BCL2L11: variants seen among roughly 807,000 people sequenced by gnomAD.
BCL2L11 encodes the protein bcl-2-like protein 11.
In BCL2L11, 15 loss-of-function variants were observed where a neutral mutation model predicts 20.6. The ratio of observed to expected loss-of-function variants is 0.73; its 90% CI spans 0.49 to 1.12. The LOEUF is 1.12. Ranked by LOEUF, BCL2L11 falls within the 50% of genes most tolerant of loss-of-function variation. BCL2L11 has a pLI of 0.00. For synonymous variants in BCL2L11, 108 were observed against 92.8 expected (o/e 1.16, Z -0.94); for missense variants, 292 against 260.9 (o/e 1.12, Z -0.82).
intron 2 of BCL2L11, among the ~76,000 whole-genome samples, chr2:111,135,771 G>A (rs917613683): frequency 3.9e-5 from 6 of 152,196 alleles, no homozygotes; most frequent in Admixed American, 2.6e-4. Flanking sequence ...GTAATGTCAT[G>A]TCAACTAACT....
intron 3 of BCL2L11, among the ~76,000 whole-genome samples, chr2:111,153,538 G>A (rs2077485405): frequency 6.6e-6 from 1 of 152,196 alleles, no homozygotes; most frequent in South Asian, 2.1e-4. Flanking sequence ...AGAAATCTGG[G>A]AAGGTAATGG....
chr2:111,123,726 C>T lies in BCL2L11; in HGVS notation c.-13-7C>T, dbSNP rs766397237. 7 of 1,379,514 alleles carry T rather than the reference C, an allele frequency of 5.1e-6. No homozygotes were observed. The highest frequency in any genetic ancestry group is 6.6e-6 in the Non-Finnish European group (7 of 1,059,680). 85.5% of individuals were successfully genotyped at this position (1,379,514 alleles called of 1,614,324 possible). A position where few individuals can be genotyped will look rare whatever the true frequency, so the allele number is the denominator to read the frequency against. ...TAAAATAATCTTAGTTTTTATTTTA[C>T]TTGCAGAAAAAAAGACCAAATGGCA... On this transcript the variant is annotated splice_region_variant and splice_polypyrimidine_tract_variant and intron_variant, in intron 1 of 3. Coordinates refer to ENST00000393256, the MANE Select transcript of BCL2L11 (RefSeq NM_138621.5).
chr2:111,153,552 G>A (rs1372676980), intron 3 of BCL2L11, among the ~76,000 whole-genome samples: 1 of 152,144 alleles, frequency 6.6e-6, no homozygotes, highest in East Asian at 1.9e-4. Context: ...GTAATGGGAG[G>A]CCGTTTTGGG....
intron 1 of BCL2L11, 133 bp from the exon 2 acceptor site, chr2:111,123,600 T>A (rs907506595): frequency 9.9e-6 from 12 of 1,216,158 alleles, no homozygotes; most frequent in Non-Finnish European, 1.2e-5. Flanking sequence ...ATTTGGGAGA[T>A]TGTCAGAAAA....
rs2071864075 is a variant in BCL2L11 at position 111,123,941 on chromosome 2, C to T, written c.196C>T (p.Pro66Ser). ...PHGSPQGPLA[P>S]PASPGPFATR... The stretch of plus-strand genomic sequence containing the variant: ...CGGCAGCCCTCAGGGCCCGCTGGCC[C>T]CACCTGCCAGCCCTGGCCCTTTTGC... Residue 66 changes from proline (P) to serine (S), a missense_variant, in exon 2 of 4, where the codon CCA (proline) becomes TCA (serine). Physicochemically the swap from Pro to Ser is moderately conservative, Grantham distance 74 (BLOSUM62 -1). Coordinates refer to ENST00000393256, the MANE Select transcript of BCL2L11 (RefSeq NM_138621.5). 2 of 1,614,178 alleles carry T rather than the reference C, an allele frequency of 1.2e-6. No homozygotes were observed. Among genetic ancestry groups the T allele is most frequent in the Non-Finnish European group, 1.7e-6 (2 of 1,180,002 alleles).
chr2:111,146,610 G>C (rs529491624), intron 2 of BCL2L11, among the ~76,000 whole-genome samples: 1 of 152,150 alleles, frequency 6.6e-6, no homozygotes. Flanking sequence ...CTTAATTCTC[G>C]TGCTGATCGG....
chr2:111,162,252 T>A (rs1174826781), intron 3 of BCL2L11, among the ~76,000 whole-genome samples: 1 of 152,224 alleles, frequency 6.6e-6, no homozygotes, highest in African/African-American at 2.4e-5. Context: ...AAGCAATTGC[T>A]TGTCAGCTTA....
intron 2 of BCL2L11, chr2:111,130,031 T>G (rs932215093): frequency 1.8e-5 from 6 of 341,734 alleles, no homozygotes; most frequent in Admixed American, 3.8e-5. Flanking sequence ...GACACTGTGT[T>G]TGCATGTTCT....
chr2:111,139,452 G>A (rs2075448796), intron 2 of BCL2L11, among the ~76,000 whole-genome samples: 1 of 152,160 alleles, frequency 6.6e-6, no homozygotes, highest in South Asian at 2.1e-4. Context: ...GGGATACATT[G>A]GTTGCTCGTG....
chr2:111,149,729 C>G (rs183579723), intron 2 of BCL2L11, among the ~76,000 whole-genome samples: 1 of 152,204 alleles, frequency 6.6e-6, no homozygotes, highest in Non-Finnish European at 1.5e-5. Flanking sequence ...GCAGTATTTT[C>G]CATTTTCTTG....
At chr2:111,131,248 C>A (rs988934269) in intron 2 of BCL2L11, 1 of 29,870 alleles carries the variant, frequency 3.3e-5, no homozygotes, top group African/African-American at 1.1e-4. Context: ...GGATGGGGGG[C>A]GGGCGGGCAT....
intron 3 of BCL2L11, 60 bp downstream of exon 3, chr2:111,150,207 T>C: frequency 6.4e-7 from 1 of 1,572,810 alleles, no homozygotes; most frequent in South Asian, 1.2e-5. Context: ...CACTATATTT[T>C]TTTAAAAAGA....
chr2:111,156,147 A>G (rs572281917), intron 3 of BCL2L11, among the ~76,000 whole-genome samples: 1 of 103,020 alleles, frequency 9.7e-6, no homozygotes, highest in African/African-American at 6.0e-5. Context: ...CACAAACTGA[A>G]CACAAACCCA....
At chr2:111,146,494 T>C (rs1395825369) in intron 2 of BCL2L11, among the ~76,000 whole-genome samples, 1 of 152,176 alleles carries the variant, frequency 6.6e-6, no homozygotes, top group Non-Finnish European at 1.5e-5. Flanking sequence ...GAGATTTCTG[T>C]ATGCCAAACC....
At chr2:111,157,246 A>C (rs1015984401) in intron 3 of BCL2L11, among the ~76,000 whole-genome samples, 2 of 151,960 alleles carry the variant, frequency 1.3e-5, no homozygotes, top group East Asian at 3.8e-4. Flanking sequence ...AGGAGGTCTA[A>C]CTGGGGTTTT....
chr2:111,160,935 A>G (rs2078471016), intron 3 of BCL2L11, among the ~76,000 whole-genome samples: 1 of 152,164 alleles, frequency 6.6e-6, no homozygotes, highest in Non-Finnish European at 1.5e-5. Flanking sequence ...AGTTCCAGAG[A>G]CTGGGTGGCT....
intron 3 of BCL2L11, among the ~76,000 whole-genome samples, chr2:111,157,197 C>A (rs1354878095): frequency 1.3e-5 from 2 of 152,128 alleles, no homozygotes; most frequent in Admixed American, 1.3e-4. Flanking sequence ...TAACACATAA[C>A]CATGAGGAAG....
chr2:111,149,181 CT>C (rs2076947379), intron 2 of BCL2L11, among the ~76,000 whole-genome samples: 1 of 152,180 alleles, frequency 6.6e-6, no homozygotes, highest in African/African-American at 2.4e-5. Context: ...AGAATATAAT[CT>C]TCCTAATGCA....
intron 2 of BCL2L11, among the ~76,000 whole-genome samples, chr2:111,145,510 A>AG (rs1483500983): frequency 6.6e-6 from 1 of 152,128 alleles, no homozygotes; most frequent in Non-Finnish European, 1.5e-5. Flanking sequence ...TTTAAAAAAA[A>AG]AAGTTTCCTG....
Sources: allele counts gnomAD v4.1 joint callset (sites outside exome capture counted in the v4.1 genomes callset), GRCh38; gene constraint gnomAD v4.1.1; transcripts MANE v1.5; gene names NCBI Gene and HGNC (gene_info 2026-07-23, HGNC 2026-07-21).